Variants in DNER observed in about 807,000 individuals in gnomAD.
The protein encoded by DNER is delta/notch like EGF repeat containing.
In DNER, 33 loss-of-function variants were observed where a neutral mutation model predicts 78.2. The ratio of observed to expected loss-of-function variants is 0.42; its 90% confidence interval spans 0.32 to 0.56. The LOEUF (loss-of-function observed/expected upper bound fraction) is 0.56. DNER is among the 20% of genes least tolerant of loss of function. The pLI is 0.11. For synonymous variants in DNER, 417 were observed against 384.8 expected (o/e 1.08, Z -0.98); for missense variants, 918 against 975.3 (o/e 0.94, Z 0.78).
intron 5 of DNER, among the ~76,000 whole-genome samples, chr2:229,534,698 T>C (rs1427144541): frequency 6.6e-6 from 1 of 152,212 alleles, no homozygotes; most frequent in Non-Finnish European, 1.5e-5. Context: ...TTAAAGAAAT[T>C]TGTAAAACTG....
intron 4 of DNER, among the ~76,000 whole-genome samples, chr2:229,547,427 T>C (rs184451500): frequency 1.5e-3 from 235 of 152,280 alleles, no homozygotes; most frequent in Non-Finnish European, 2.7e-3. Flanking sequence ...CTCAATCCCA[T>C]CCCTGTGCTG....
At chr2:229,635,030 GT>G (rs1698503657) in intron 1 of DNER, among the ~76,000 whole-genome samples, 1 of 152,228 alleles carries the variant, frequency 6.6e-6, no homozygotes. Flanking sequence ...GCTGGTAGCA[GT>G]GTCTGTGTTG....
rs1409752555 is a variant in DNER, at chr2:229,546,814, C to T, written c.993+133G>A. 4.7e-6 allele frequency: 6 copies of T among 1,290,068 alleles called. No individual in the cohort carries two copies. In the African/African-American group the frequency reaches 9.7e-5, roughly 21 times the overall value. 79.9% of individuals were successfully genotyped at this position (1,290,068 alleles called of 1,614,324 possible). On this transcript the variant is annotated intron_variant, in intron 5 of 12. Coordinates refer to ENST00000341772, the MANE Select transcript of DNER (RefSeq NM_139072.4). ...ATAGATAGATAGATAGACAGACAGACAGACAGACAGACAGACAGATAGATA... is the reference window on the plus strand; with the variant it reads ...ATAGATAGATAGATAGACAGACAGATAGACAGACAGACAGACAGATAGATA...
intron 12 of DNER, among the ~76,000 whole-genome samples, chr2:229,364,360 C>T (rs1692291702): frequency 6.6e-6 from 1 of 152,102 alleles, no homozygotes; most frequent in African/African-American, 2.4e-5. Flanking sequence ...AGGTCTACTA[C>T]CTGCCAGGAC....
At chr2:229,377,293 C>A (rs116361129) in intron 11 of DNER, among the ~76,000 whole-genome samples, 2,050 of 152,264 alleles carry the variant, frequency 0.013, 20 homozygotes, top group Non-Finnish European at 0.02. Context: ...ATAGATTCAA[C>A]TGTTTAATAT....
intron 1 of DNER, among the ~76,000 whole-genome samples, chr2:229,681,827 AACACACACACAC>A (rs72248647): frequency 1.5e-4 from 22 of 144,448 alleles, no homozygotes; most frequent in African/African-American, 4.2e-4. Context: ...CTCTGCCTAA[AACACACACACAC>A]ACACACACAC....
intron 1 of DNER, 128 bp downstream of exon 1, chr2:229,714,020 A>G (rs1699951885): frequency 1.0e-6 from 1 of 978,942 alleles, no homozygotes. Flanking sequence ...GACTGGATCC[A>G]TCTTCTTCCC....
rs957200128 is a variant in DNER at position 229,544,248 on chromosome 2, G to A, written c.993+2699C>T. Among the ~76,000 whole-genome samples, 7 of 152,190 alleles carry A rather than the reference G, an allele frequency of 4.6e-5. No homozygotes were observed. In the South Asian group the frequency reaches 1.5e-3, roughly 32 times the overall value. ...AAGAAGAGCAGACTGGTCCAAAGTGGCATAGACAGGAGGGCACAGGATGTA... is the reference window on the plus strand; with the variant it reads ...AAGAAGAGCAGACTGGTCCAAAGTGACATAGACAGGAGGGCACAGGATGTA... On this transcript the variant is annotated intron_variant, in intron 5 of 12. Coordinates refer to ENST00000341772, the MANE Select transcript of DNER (RefSeq NM_139072.4).
intron 3 of DNER, among the ~76,000 whole-genome samples, chr2:229,588,150 C>G (rs993382016): frequency 6.6e-6 from 1 of 152,160 alleles, no homozygotes; most frequent in East Asian, 1.9e-4. Flanking sequence ...CGGTTTGTCA[C>G]CTCACACCAG....
chr2:229,691,227 A>G (rs1471501906), intron 1 of DNER, among the ~76,000 whole-genome samples: 1 of 152,208 alleles, frequency 6.6e-6, no homozygotes, highest in Non-Finnish European at 1.5e-5. Context: ...GGCTTCACTG[A>G]ACTCTAAGCT....
At chr2:229,617,362 C>T (rs1698184191) in intron 1 of DNER, among the ~76,000 whole-genome samples, 1 of 152,118 alleles carries the variant, frequency 6.6e-6, no homozygotes, top group South Asian at 2.1e-4. Context: ...ACCTCATCAC[C>T]TGTGACTATT....
At chr2:229,478,137 G>A (rs1302886147) in intron 6 of DNER, among the ~76,000 whole-genome samples, 2 of 152,128 alleles carry the variant, frequency 1.3e-5, no homozygotes, top group African/African-American at 2.4e-5. Context: ...TGTGCCCTTG[G>A]TTATGTTATT....
rs1423654430 is a variant in DNER at position 229,428,845 on chromosome 2, G to T, written c.1487-10615C>A. Among the ~76,000 whole-genome samples the T allele has an allele frequency of 2.0e-5, 3 of 152,110 alleles. No individual in the cohort carries two copies. In the East Asian group the frequency reaches 5.8e-4, roughly 29 times the overall value. The stretch of plus-strand genomic sequence containing the variant: ...GGGAGGGCAGAAAAAGAGAGAGCAG[G>T]ATCAGGGGAGCATGGGATGGGTAGA... On this transcript the variant is annotated intron_variant, in intron 8 of 12. Coordinates refer to ENST00000341772, the MANE Select transcript of DNER (RefSeq NM_139072.4).
chr2:229,634,597 TTATAA>T (rs1698496236), intron 1 of DNER, among the ~76,000 whole-genome samples: 1 of 152,208 alleles, frequency 6.6e-6, no homozygotes, highest in South Asian at 2.1e-4. Flanking sequence ...TATTTTGAAC[TTATAA>T]TGTAAGGCTC....
chr2:229,623,003 A>G (rs1021963017), intron 1 of DNER, among the ~76,000 whole-genome samples: 5 of 152,320 alleles, frequency 3.3e-5, no homozygotes, highest in African/African-American at 1.2e-4. Flanking sequence ...AAGGAAAGAC[A>G]TCTGGTCAAC....
intron 1 of DNER, among the ~76,000 whole-genome samples, chr2:229,619,269 ACTGTATGC>A (rs1698215450): frequency 6.6e-6 from 1 of 152,162 alleles, no homozygotes; most frequent in Non-Finnish European, 1.5e-5. Context: ...ATAATTATGC[ACTGTATGC>A]CTGGAGAAGG....
chr2:229,429,071 C>T (rs1279724920), intron 8 of DNER, among the ~76,000 whole-genome samples: 1 of 152,178 alleles, frequency 6.6e-6, no homozygotes, highest in African/African-American at 2.4e-5. Flanking sequence ...ATGTCTCCAA[C>T]TGGCGTAATG....
intron 6 of DNER, among the ~76,000 whole-genome samples, chr2:229,502,601 C>T (rs748034901): frequency 9.2e-5 from 14 of 151,806 alleles, no homozygotes; most frequent in East Asian, 7.7e-4. Flanking sequence ...GTTTACCCTG[C>T]GGAAGATGAA....
chr2:229,710,597 C>T (rs1028474693), intron 1 of DNER, among the ~76,000 whole-genome samples: 62 of 151,996 alleles, frequency 4.1e-4, no homozygotes, highest in African/African-American at 1.5e-3. Context: ...TCATCATCAT[C>T]ATTACATATC....
Sources: gnomAD v4.1 joint callset for allele counts (sites outside exome capture counted in the v4.1 genomes callset) on GRCh38, gnomAD v4.1.1 for gene constraint, MANE v1.5 for transcripts, NCBI Gene and HGNC (gene_info 2026-07-23, HGNC 2026-07-21) for gene names.